Variants in USP32 observed in about 807,000 individuals in gnomAD.
The protein encoded by USP32 is ubiquitin specific peptidase 32.
In USP32, 59 loss-of-function variants were observed where a neutral mutation model predicts 204.8. The observed-to-expected ratio is 0.29, with a 90% confidence interval of 0.23 to 0.36. The LOEUF is 0.36. Among genes scored for constraint, USP32 ranks in the 10% least tolerant of loss-of-function variants. The pLI is 1.00. For synonymous variants in USP32, 517 were observed against 678.4 expected (o/e 0.76, Z 3.70); for missense variants, 1,160 against 1,946.4 (o/e 0.60, Z 7.60).
intron 1 of USP32, among the ~76,000 whole-genome samples, chr17:60,356,408 A>T (rs1370634600): frequency 1.3e-5 from 2 of 152,004 alleles, no homozygotes; most frequent in African/African-American, 2.4e-5. Context: ...ACTTTGGCTG[A>T]CCTTAAACCT....
intron 4 of USP32, among the ~76,000 whole-genome samples, chr17:60,292,840 T>C (rs2087318542): frequency 6.6e-6 from 1 of 152,080 alleles, no homozygotes; most frequent in Non-Finnish European, 1.5e-5. Context: ...CAGTGGTTTC[T>C]ATCTCACTCA....
At chr17:60,201,451 A>G (rs2145455692) in intron 26 of USP32, among the ~76,000 whole-genome samples, 1 of 152,120 alleles carries the variant, frequency 6.6e-6, no homozygotes, top group East Asian at 1.9e-4. Flanking sequence ...TGTATTCCAA[A>G]GTAGTTGTTT....
rs202064971 is a variant in USP32, at chr17:60,183,269, C to T, written c.4019G>A (p.Arg1340Lys). 7 of 1,613,892 alleles carry T rather than the reference C, an allele frequency of 4.3e-6. No homozygotes were observed. Among genetic ancestry groups the T allele is most frequent in the South Asian group, 1.1e-5 (1 of 91,080 alleles). ...CTGCGCATCCACTTTCTTCACCTCC[C>T]TTGCCAGAATCCTGGGCTCAGAGAG... ...DELSEPRILA[R>K]EVKKVDAQSS... The change falls in exon 31 of 34, where the codon AGG (arginine) becomes AAG (lysine). Residue 1340 changes from arginine (R) to lysine (K), a missense_variant. Coordinates refer to ENST00000300896, the MANE Select transcript of USP32 (RefSeq NM_032582.4).
At chr17:60,400,014 G>A (rs2089924446) in intron 1 of USP32, among the ~76,000 whole-genome samples, 1 of 152,120 alleles carries the variant, frequency 6.6e-6, no homozygotes, top group Non-Finnish European at 1.5e-5. Context: ...GTTGACCCTG[G>A]AGTGCAGTAG....
chr17:60,304,892 C>CTG (rs2087684524), intron 2 of USP32: 1 of 152,174 alleles, frequency 6.6e-6, no homozygotes, highest in African/African-American at 2.4e-5. Flanking sequence ...CATTTTACTA[C>CTG]TGTAAGTTAT....
At chr17:60,419,921 A>C (rs1020075708) in intron 1 of USP32, among the ~76,000 whole-genome samples, 4 of 147,522 alleles carry the variant, frequency 2.7e-5, no homozygotes, top group Non-Finnish European at 3.0e-5. Flanking sequence ...GTGCAGGGGC[A>C]TGGTCTTGGC....
At chr17:60,379,419 A>C (rs2089608916) in intron 1 of USP32, among the ~76,000 whole-genome samples, 1 of 152,170 alleles carries the variant, frequency 6.6e-6, no homozygotes, top group African/African-American at 2.4e-5. Context: ...TTAGGGACTC[A>C]GGATACTAAG....
At chr17:60,375,659 A>G (rs1370476807) in intron 1 of USP32, among the ~76,000 whole-genome samples, 1 of 152,178 alleles carries the variant, frequency 6.6e-6, no homozygotes, top group South Asian at 2.1e-4. Context: ...GCTGGAGTGC[A>G]GTGGCACGAT....
At position 60,226,113 on chromosome 17, in the gene USP32, T is replaced by C. The variant is rs778087065; in HGVS notation, c.1358A>G (p.Tyr453Cys). Residue 453 changes from tyrosine to cysteine, a missense_variant, in exon 13 of 34, where the codon TAC (tyrosine) becomes TGC (cysteine). Physicochemically the swap from Tyr to Cys is radical, Grantham distance 194. Transcript: ENST00000300896. ...AAATTTCTCTTCTGTAGTATTCACG[T>C]AACTGAGGCTGCTTCCAATTCTATC... ...VEDRIGSSLSYVNTTEEKFSD... is the reference protein window; with the variant it reads ...VEDRIGSSLSCVNTTEEKFSD... 20 of 1,608,496 alleles carry C rather than the reference T, an allele frequency of 1.2e-5. No homozygotes were observed. The highest frequency in any genetic ancestry group is 1.7e-5 in the Admixed American group (1 of 58,706).
intron 3 of USP32, among the ~76,000 whole-genome samples, chr17:60,300,643 C>T (rs185397288): frequency 6.1e-4 from 93 of 152,308 alleles, no homozygotes; most frequent in African/African-American, 1.9e-3. Context: ...AAATAGACTA[C>T]TATGTCTATG....
intron 2 of USP32, among the ~76,000 whole-genome samples, chr17:60,310,774 G>A (rs925037092): frequency 6.6e-6 from 1 of 152,102 alleles, no homozygotes; most frequent in Non-Finnish European, 1.5e-5. Flanking sequence ...GGTGGTTCAC[G>A]CCTGTAATCC....
chr17:60,390,000 G>C (rs1027952596), intron 1 of USP32, among the ~76,000 whole-genome samples: 4 of 152,028 alleles, frequency 2.6e-5, no homozygotes, highest in Admixed American at 2.6e-4. Flanking sequence ...CTGGGCAACA[G>C]AGCAAGACTC....
intron 2 of USP32, among the ~76,000 whole-genome samples, chr17:60,338,890 C>A (rs1163982177): frequency 6.6e-6 from 1 of 152,080 alleles, no homozygotes; most frequent in African/African-American, 2.4e-5. Flanking sequence ...ATTAGAAGTA[C>A]ATAAAAATAT....
intron 1 of USP32, among the ~76,000 whole-genome samples, chr17:60,367,373 G>A (rs758145711): frequency 6.6e-6 from 1 of 152,198 alleles, no homozygotes. Flanking sequence ...GGCAGGGCGT[G>A]ATGGCTCATG....
At chr17:60,297,269 C>T (rs1410079701) in intron 3 of USP32, among the ~76,000 whole-genome samples, 3 of 151,932 alleles carry the variant, frequency 2.0e-5, no homozygotes, top group Admixed American at 6.6e-5. Context: ...CATTGTGGTA[C>T]GTGCCTCTAG....
chr17:60,391,075 G>A (rs1262775822), intron 1 of USP32, among the ~76,000 whole-genome samples: 2 of 152,198 alleles, frequency 1.3e-5, no homozygotes, highest in African/African-American at 2.4e-5. Context: ...GCAGCAGGCC[G>A]GGACTGGCAG....
chr17:60,358,134 T>G (rs1367319886), intron 1 of USP32, among the ~76,000 whole-genome samples: 2 of 152,202 alleles, frequency 1.3e-5, no homozygotes, highest in Non-Finnish European at 2.9e-5. Context: ...CCCATAGTAT[T>G]GTTTCTACTA....
chr17:60,272,574 C>T (rs552735233), intron 5 of USP32, among the ~76,000 whole-genome samples: 1 of 152,296 alleles, frequency 6.6e-6, no homozygotes, highest in East Asian at 1.9e-4. Context: ...CCAGACTTCA[C>T]CTCCTACCAC....
intron 1 of USP32, among the ~76,000 whole-genome samples, chr17:60,401,601 G>T (rs1367649840): frequency 6.6e-6 from 1 of 151,706 alleles, no homozygotes; most frequent in African/African-American, 2.4e-5. Context: ...CTGGGGGCTG[G>T]GTGCAGTGGC....
Sources: gnomAD v4.1 joint callset for allele counts (sites outside exome capture counted in the v4.1 genomes callset) on GRCh38, gnomAD v4.1.1 for gene constraint, MANE v1.5 for transcripts, NCBI Gene and HGNC (gene_info 2026-07-23, HGNC 2026-07-21) for gene names.